PSMD8: variants seen among roughly 807,000 people sequenced by gnomAD.
PSMD8 encodes proteasome 26S subunit, non-ATPase 8.
A neutral mutation model predicts 40.0 loss-of-function variants in PSMD8; 30 were observed. The ratio of observed to expected loss-of-function variants is 0.75; its 90% CI spans 0.56 to 1.02. The LOEUF is 1.02. PSMD8 is among the 50% of genes least tolerant of loss of function. The probability of loss-of-function intolerance (pLI) is 0.00; values close to 1 mark genes in which losing one functional copy is unlikely to be tolerated. For synonymous variants in PSMD8, 208 were observed against 192.5 expected, an observed-to-expected ratio of 1.08 and a Z score of -0.67; for missense variants, 461 against 463.9, an observed-to-expected ratio of 0.99 and a Z score of 0.06.
In PSMD8 at chr19:38,374,736, C is replaced by A. The variant is rs1378810460; in HGVS notation, c.135C>A (p.Ser45Arg). 6.4e-7 allele frequency: 1 copy of A among 1,552,058 alleles called. No individual in the cohort carries two copies. The highest frequency in any genetic ancestry group is 8.7e-7 in the Non-Finnish European group (1 of 1,152,138). The part of the protein sequence containing the change: ...STSRPHFRRA[S>R]VCRRRCRKSG... ...CTCGGCCCCACTTCCGCCGGGCAAG[C>A]GTTTGTAGGCGGCGCTGCCGTAAAT... Residue 45 changes from serine to arginine, a missense_variant, in exon 1 of 7, where the codon AGC (serine) becomes AGA (arginine). Coordinates refer to ENST00000215071, the MANE Select transcript of PSMD8 (RefSeq NM_002812.5).
Position 38,376,593 on chromosome 19 carries a change from A to AG in PSMD8, c.536+142dup, listed in dbSNP as rs1258586800. 9.0e-6 allele frequency: 7 copies of AG among 776,204 alleles called. No individual in the cohort carries two copies. In the East Asian group the frequency reaches 1.6e-4, roughly 18 times the overall value. The allele number at this position is 776,204 out of a possible 1,614,324, so 48.1% of individuals were successfully genotyped here. On this transcript the variant is annotated intron_variant, in intron 3 of 6. Transcript: ENST00000215071. ...GTTCTCTCCTCAGTGGTGCAGGGTC[A>AG]GGGCTTGGCTTGGAGGTCCTGAGAC...
intron 3 of PSMD8, among the ~76,000 whole-genome samples, chr19:38,378,324 G>A (rs539148978): frequency 6.6e-6 from 1 of 151,882 alleles, no homozygotes; most frequent in African/African-American, 2.4e-5. Flanking sequence ...TGGCTAACAC[G>A]GTGAAACCCT....
rs760540095 is a variant in PSMD8, at chr19:38,383,436, GT to G, written c.*48del. On this transcript the variant is annotated 3_prime_UTR_variant, in exon 7 of 7. Coordinates refer to ENST00000215071, the MANE Select transcript of PSMD8 (RefSeq NM_002812.5). ...GGCAGGGCACGAGTTATTTAAAACA[GT>G]TACACTGCAGGGTTTCGCCCAATAA... The G allele has an allele frequency of 4.1e-5, 66 of 1,611,180 alleles. No homozygotes were observed. In the African/African-American group the frequency reaches 8.0e-4, roughly 20 times the overall value.
intron 3 of PSMD8, 46 bp from the exon 4 acceptor site, chr19:38,379,194 G>A (rs371833703): frequency 7.0e-5 from 111 of 1,589,810 alleles, no homozygotes; most frequent in Non-Finnish European, 9.3e-5. Flanking sequence ...GGGCTCGCTA[G>A]GCCCTTAAAT....
intron 3 of PSMD8, among the ~76,000 whole-genome samples, chr19:38,377,951 A>C (rs1340642687): frequency 6.6e-6 from 1 of 152,184 alleles, no homozygotes; most frequent in Non-Finnish European, 1.5e-5. Flanking sequence ...GTAACTCTTA[A>C]TATAGTTATA....
intron 3 of PSMD8, 65 bp from the exon 4 acceptor site, chr19:38,379,175 T>G (rs1970620255): frequency 6.6e-7 from 1 of 1,515,738 alleles, no homozygotes; most frequent in African/African-American, 1.4e-5. Flanking sequence ...TCCTGGAGCC[T>G]GGGGTAGAGG....
chr19:38,381,032 G>A (rs1460765362), intron 5 of PSMD8, 33 bp downstream of exon 5: 1 of 1,484,444 alleles, frequency 6.7e-7, no homozygotes, highest in Non-Finnish European at 9.1e-7. Flanking sequence ...GTGGAGTTTG[G>A]AAAGAACTTG....
At chr19:38,379,477 C>T (rs1970623003) in intron 4 of PSMD8, 72 bp downstream of exon 4, 1 of 1,518,686 alleles carries the variant, frequency 6.6e-7, no homozygotes, top group Non-Finnish European at 9.0e-7. Flanking sequence ...GAGGGCTTTC[C>T]TGAAGGAGTG....
chr19:38,379,289 C>T lies in PSMD8; in HGVS notation c.586C>T (p.Leu196Phe). Residue 196 changes from leucine (L) to phenylalanine (F), a missense_variant, in exon 4 of 7, where the codon CTC becomes TTC. Physicochemically the swap from Leu to Phe is conservative, Grantham distance 22. This residue lies in a region of PSMD8 where 236 missense variants were observed against 321.2 expected (regional missense o/e 0.73). Transcript: ENST00000215071. ...TATGCACCAGCTCTTGGGCCTCAAC[C>T]TCCTCTTCCTGCTGTCCCAGAACCG... ...AYMHQLLGLN[L>F]LFLLSQNRVA... is the part of the protein sequence containing the mutation. 1 of 1,614,020 alleles carries T rather than the reference C, an allele frequency of 6.2e-7. No individual in the cohort carries two copies. The highest frequency in any genetic ancestry group is 1.3e-5 in the African/African-American group (1 of 75,052).
At chr19:38,381,279 T>C in intron 5 of PSMD8, 2 of 312,514 alleles carry the variant, frequency 6.4e-6, no homozygotes, top group South Asian at 5.8e-5. Flanking sequence ...GTGCGGCCTG[T>C]CTTAGCCCAT....
chr19:38,374,653 G>C lies in PSMD8; in HGVS notation c.52G>C (p.Ala18Pro). Residue 18 changes from alanine to proline, a missense_variant, in exon 1 of 7, where the codon GCT becomes CCT. By Grantham distance (27) the Ala-to-Pro change is conservative. Around this residue, in one of 2 missense-constraint regions of PSMD8, gnomAD observed 225 missense variants for 142.7 expected, o/e 1.58. Transcript: ENST00000215071. ...PRAPPRERRRATRGGLRQVVA... is the reference protein window; with the variant it reads ...PRAPPRERRRPTRGGLRQVVA... ...GGCGCCACCTCGAGAGCGACGGCGG[G>C]CTACCCGGGGCGGGCTGAGGCAGGT... is the stretch of plus-strand genomic sequence containing the variant. 1.3e-6 allele frequency: 2 copies of C among 1,517,276 alleles called. No individual in the cohort carries two copies. The highest frequency in any genetic ancestry group is 1.8e-6 in the Non-Finnish European group (2 of 1,139,684). The allele number at this position is 1,517,276 out of a possible 1,614,324, so 94.0% of individuals were successfully genotyped here.
intron 6 of PSMD8, chr19:38,382,931 G>T: frequency 7.9e-6 from 2 of 253,380 alleles, no homozygotes; most frequent in Non-Finnish European, 7.7e-6. Context: ...AAAAAAAAAA[G>T]AAGAAGGTGA....
chr19:38,382,027 G>C lies in PSMD8; in HGVS notation c.804-90G>C, dbSNP rs1283267930. ...TTCCTGCCATCAGTGCTGAACTCCA[G>C]GGTCAGAGCTGACACATGTCAGGTC... On this transcript the variant is annotated intron_variant, in intron 5 of 6. Coordinates refer to ENST00000215071, the MANE Select transcript of PSMD8 (RefSeq NM_002812.5). The C allele has an allele frequency of 1.5e-5, 13 of 862,436 alleles. No homozygotes were observed. In the South Asian group the frequency reaches 2.0e-4, roughly 13 times the overall value. The allele number at this position is 862,436 out of a possible 1,614,324, so 53.4% of individuals were successfully genotyped here.
intron 3 of PSMD8, among the ~76,000 whole-genome samples, chr19:38,378,781 G>A (rs573823879): frequency 9.3e-5 from 14 of 151,116 alleles, no homozygotes; most frequent in African/African-American, 1.5e-4. Flanking sequence ...GTGAAACCCC[G>A]TCTCTACTAA....
At chr19:38,381,644 C>A (rs1397482985) in intron 5 of PSMD8, among the ~76,000 whole-genome samples, 1 of 152,220 alleles carries the variant, frequency 6.6e-6, no homozygotes, top group Non-Finnish European at 1.5e-5. Context: ...GCACTCCTCC[C>A]CATCACTGGC....
intron 6 of PSMD8, 135 bp from the exon 7 acceptor site, chr19:38,383,118 T>C (rs1193913787): frequency 1.2e-5 from 14 of 1,138,422 alleles, no homozygotes; most frequent in Non-Finnish European, 1.6e-5. Flanking sequence ...TGAAGTTACT[T>C]GTCAAGGGTC....
chr19:38,383,642 T>G lies in PSMD8; in HGVS notation c.*252T>G, dbSNP rs1568389324. 2 of 535,402 alleles carry G rather than the reference T, an allele frequency of 3.7e-6. No individual in the cohort carries two copies. Among genetic ancestry groups the G allele is most frequent in the Non-Finnish European group, 6.6e-6 (2 of 301,586 alleles). The allele number at this position is 535,402 out of a possible 1,614,324, so 33.2% of individuals were successfully genotyped here. A position where few individuals can be genotyped will look rare whatever the true frequency, so the allele number is the denominator to read the frequency against. ...CAGGGTCTCAAACATGGACGCCCAC[T>G]GTGGGGCCCCAGCAGCACTGTGGCC... On this transcript the variant is annotated 3_prime_UTR_variant, in exon 7 of 7. Transcript: ENST00000215071.
intron 6 of PSMD8, chr19:38,382,780 G>A (rs1030003608): frequency 2.8e-5 from 5 of 176,786 alleles, no homozygotes; most frequent in Middle Eastern, 2.5e-3. Flanking sequence ...ATGTGGTGGC[G>A]GGTGCCTGTA....
chr19:38,382,268 G>T (rs78193040), intron 6 of PSMD8, 40 bp downstream of exon 6: 1 of 1,479,062 alleles, frequency 6.8e-7, no homozygotes, highest in African/African-American at 1.4e-5. Context: ...GGACCAAGGG[G>T]TGAAGTCACT....
Sources: gnomAD v4.1 joint callset for allele counts (sites outside exome capture counted in the v4.1 genomes callset) on GRCh38, gnomAD v4.1.1 for gene constraint, gnomAD v4.1.1 regional missense constraint, MANE v1.5 for transcripts, NCBI Gene and HGNC (gene_info 2026-07-23, HGNC 2026-07-21) for gene names.